Variants in SBF2 observed in about 807,000 individuals in gnomAD.
SBF2 encodes the protein SET binding factor 2.
In SBF2, 112 loss-of-function variants were observed where a neutral mutation model predicts 225.2. The ratio of observed to expected loss-of-function variants is 0.50; its 90% CI spans 0.43 to 0.58. The LOEUF (loss-of-function observed/expected upper bound fraction) is 0.58. SBF2 is among the 20% of genes least tolerant of loss of function. The probability of loss-of-function intolerance (pLI) is 0.00; values close to 1 mark genes in which losing one functional copy is unlikely to be tolerated. For missense variants in SBF2, 1,996 were observed against 2,206.2 expected (o/e 0.90, Z 1.91); for synonymous variants, 763 against 773.3 (o/e 0.99, Z 0.22).
intron 32 of SBF2, among the ~76,000 whole-genome samples, chr11:9,805,874 G>A (rs1853808965): frequency 6.6e-6 from 1 of 152,258 alleles, no homozygotes; most frequent in South Asian, 2.1e-4. Flanking sequence ...ACCCACCTTG[G>A]CCTCCCAAAG....
chr11:10,130,761 G>C (rs552903268), intron 2 of SBF2, among the ~76,000 whole-genome samples: 144 of 152,216 alleles, frequency 9.5e-4, no homozygotes, highest in African/African-American at 3.0e-3. Context: ...GTGTTGTTTG[G>C]AGAATGCTAT....
At chr11:9,859,102 A>G (rs1381165583) in intron 17 of SBF2, among the ~76,000 whole-genome samples, 1 of 152,210 alleles carries the variant, frequency 6.6e-6, no homozygotes, top group Admixed American at 6.5e-5. Flanking sequence ...GTGATTAACA[A>G]CAGAGGGAAG....
At chr11:9,982,352 A>G (rs1946994106) in intron 13 of SBF2, among the ~76,000 whole-genome samples, 2 of 152,208 alleles carry the variant, frequency 1.3e-5, no homozygotes, top group African/African-American at 4.8e-5. Flanking sequence ...GCAAATGACT[A>G]ACTGAAAAAA....
intron 3 of SBF2, among the ~76,000 whole-genome samples, chr11:10,039,279 G>A (rs1949562494): frequency 6.6e-6 from 1 of 151,730 alleles, no homozygotes; most frequent in South Asian, 2.1e-4. Context: ...CATTTTTAAA[G>A]GGACATAAAC....
At chr11:9,911,885 C>T (rs1862649225) in intron 16 of SBF2, among the ~76,000 whole-genome samples, 1 of 152,230 alleles carries the variant, frequency 6.6e-6, no homozygotes, top group East Asian at 1.9e-4. Context: ...GAGCGATAGG[C>T]TATACCATAT....
intron 3 of SBF2, among the ~76,000 whole-genome samples, chr11:10,041,561 A>C (rs776547284): frequency 2.0e-5 from 3 of 152,204 alleles, no homozygotes; most frequent in Non-Finnish European, 2.9e-5. Flanking sequence ...ATGCATTTTC[A>C]GCACTTTTCA....
intron 16 of SBF2, chr11:9,915,672 A>G (rs538158023): frequency 1.3e-5 from 2 of 152,296 alleles, no homozygotes; most frequent in East Asian, 3.9e-4. Flanking sequence ...TAAATCTGTC[A>G]TATTTAGAAA....
intron 1 of SBF2, among the ~76,000 whole-genome samples, chr11:10,199,792 G>C (rs2135349528): frequency 6.6e-6 from 1 of 151,966 alleles, no homozygotes; most frequent in Middle Eastern, 3.4e-3. Flanking sequence ...CAAACCTGTA[G>C]TCCCAGCTAC....
intron 1 of SBF2, among the ~76,000 whole-genome samples, chr11:10,280,175 A>AGATTTCAGAGTG (rs1186177832): frequency 6.1e-4 from 42 of 68,300 alleles, no homozygotes; most frequent in Non-Finnish European, 1.4e-3. Flanking sequence ...ATTTCAGAGT[A>AGATTTCAGAGTG]TTTCAGATTT....
intron 17 of SBF2, among the ~76,000 whole-genome samples, chr11:9,885,586 C>T (rs1234343228): frequency 2.0e-5 from 3 of 152,016 alleles, no homozygotes; most frequent in African/African-American, 7.2e-5. Context: ...GACATTAAAG[C>T]TTGCTAGTTC....
intron 32 of SBF2, among the ~76,000 whole-genome samples, chr11:9,796,995 C>T (rs1308327621): frequency 6.6e-6 from 1 of 152,194 alleles, no homozygotes; most frequent in Non-Finnish European, 1.5e-5. Context: ...AATCTCACCT[C>T]TATATTGCTC....
chr11:10,166,758 TTCAA>T (rs1955968468), intron 2 of SBF2, among the ~76,000 whole-genome samples: 1 of 151,812 alleles, frequency 6.6e-6, no homozygotes, highest in African/African-American at 2.4e-5. Context: ...AGGCCAGCAG[TTCAA>T]GACCAGCTTG....
At chr11:10,072,495 T>C (rs1036953450) in intron 2 of SBF2, among the ~76,000 whole-genome samples, 1 of 152,118 alleles carries the variant, frequency 6.6e-6, no homozygotes, top group African/African-American at 2.4e-5. Context: ...CAATTAAAAT[T>C]GACAAATAGT....
At chr11:9,845,164 T>C (rs1410997029) in intron 24 of SBF2, among the ~76,000 whole-genome samples, 1 of 152,170 alleles carries the variant, frequency 6.6e-6, no homozygotes, top group Non-Finnish European at 1.5e-5. Flanking sequence ...GTTTGAAATG[T>C]TCAAGAGTTA....
intron 1 of SBF2, among the ~76,000 whole-genome samples, chr11:10,203,666 G>GTA (rs1406452775): frequency 6.6e-6 from 1 of 151,036 alleles, no homozygotes; most frequent in Non-Finnish European, 1.5e-5. Flanking sequence ...CCAAAATGAT[G>GTA]TAGGTATTAA....
intron 1 of SBF2, among the ~76,000 whole-genome samples, chr11:10,219,538 C>T (rs985572780): frequency 2.6e-5 from 4 of 152,214 alleles, no homozygotes; most frequent in South Asian, 2.1e-4. Flanking sequence ...TCGTTACTTA[C>T]GCAAATTTCT....
intron 2 of SBF2, among the ~76,000 whole-genome samples, chr11:10,067,539 AAAAAAC>A (rs763911240): frequency 2.6e-5 from 4 of 152,164 alleles, no homozygotes; most frequent in Admixed American, 1.3e-4. Context: ...ACATTAACCA[AAAAAAC>A]AAAAACAAAA....
intron 2 of SBF2, among the ~76,000 whole-genome samples, chr11:10,173,611 C>G (rs1046044959): frequency 6.6e-6 from 1 of 152,208 alleles, no homozygotes; most frequent in Non-Finnish European, 1.5e-5. Flanking sequence ...CCCAGGCTTG[C>G]TTAGGTAAAC....
intron 1 of SBF2, among the ~76,000 whole-genome samples, chr11:10,220,528 C>A (rs1958303192): frequency 1.3e-5 from 2 of 152,174 alleles, no homozygotes; most frequent in South Asian, 4.1e-4. Flanking sequence ...ACCACCACTC[C>A]CTTAGGCCTT....
Sources: allele counts gnomAD v4.1 joint callset (sites outside exome capture counted in the v4.1 genomes callset), GRCh38; gene constraint gnomAD v4.1.1; transcripts MANE v1.5; gene names NCBI Gene and HGNC (gene_info 2026-07-23, HGNC 2026-07-21).